Variants in PCDH11X observed in about 807,000 individuals in gnomAD.
PCDH11X encodes protocadherin-11 X-linked.
Under a neutral mutation model 53.3 loss-of-function variants are expected in PCDH11X, and 18 were observed. That is an observed-to-expected ratio of 0.34 (90% CI 0.23 to 0.50). PCDH11X has a LOEUF of 0.50. Ranked by LOEUF, PCDH11X falls within the 20% of genes least tolerant of loss-of-function variation. The pLI is 0.98. For missense variants in PCDH11X, 570 were observed against 1,032.4 expected, an observed-to-expected ratio of 0.55 and a Z score of 6.14; for synonymous variants, 279 against 393.3, an observed-to-expected ratio of 0.71 and a Z score of 3.44.
intron 10 of PCDH11X, among the ~76,000 whole-genome samples, chrX:92,489,711 T>A (rs2073718975): frequency 9.4e-6 from 1 of 106,698 alleles, no homozygotes; most frequent in African/African-American, 3.4e-5. Flanking sequence ...CAGTTTTACC[T>A]ATTTCATTTT....
intron 5 of PCDH11X, among the ~76,000 whole-genome samples, chrX:91,853,461 G>A (rs1268281589): frequency 9.2e-6 from 1 of 108,595 alleles, no homozygotes; most frequent in African/African-American, 3.4e-5. Flanking sequence ...TGATACATAT[G>A]AGTATATTGG....
At chrX:92,198,283 T>C (rs1195978713) in intron 6 of PCDH11X, among the ~76,000 whole-genome samples, 1 of 104,249 alleles carries the variant, frequency 9.6e-6, no homozygotes, top group Non-Finnish European at 2.0e-5. Context: ...TGGTGACATG[T>C]GCCTGTAGTC....
chrX:91,799,280 C>A (rs1403881060), intron 1 of PCDH11X, among the ~76,000 whole-genome samples: 1 of 111,088 alleles, frequency 9.0e-6, no homozygotes, highest in Non-Finnish European at 1.9e-5. Flanking sequence ...GATAAAATTT[C>A]TATTATCCTT....
At chrX:91,890,450 ATTAT>A (rs202229634) in intron 6 of PCDH11X, among the ~76,000 whole-genome samples, 21,975 of 109,141 alleles carry the variant, frequency 0.2, 1,930 homozygotes, top group East Asian at 0.29. Flanking sequence ...TTTTAAAAAA[ATTAT>A]TTGTCTGTTT....
chrX:91,863,118 A>G (rs970218523), intron 5 of PCDH11X, among the ~76,000 whole-genome samples: 14 of 109,283 alleles, frequency 1.3e-4, no homozygotes, highest in African/African-American at 4.3e-4. Flanking sequence ...TATTAGATGC[A>G]TGTGGTGTAT....
At chrX:91,845,194 A>C (rs774216057) in intron 5 of PCDH11X, among the ~76,000 whole-genome samples, 1 of 111,321 alleles carries the variant, frequency 9.0e-6, no homozygotes. Flanking sequence ...TTCAATAAAT[A>C]AGTAAATATA....
intron 10 of PCDH11X, among the ~76,000 whole-genome samples, chrX:92,535,519 C>A (rs2750942): frequency 1.5e-4 from 17 of 110,710 alleles, no homozygotes; most frequent in Non-Finnish European, 3.8e-5. Flanking sequence ...CGGGGCATAT[C>A]GGAAGGTAAA....
intron 10 of PCDH11X, among the ~76,000 whole-genome samples, chrX:92,518,748 A>ATTTTTT (rs762759156): frequency 1.7e-5 from 1 of 59,441 alleles, no homozygotes; most frequent in Admixed American, 2.4e-4. Flanking sequence ...TACCAATAAA[A>ATTTTTT]TTTTTTTTTT....
chrX:91,998,168 A>G (rs1278381711), intron 6 of PCDH11X, among the ~76,000 whole-genome samples: 1 of 110,067 alleles, frequency 9.1e-6, no homozygotes, highest in Non-Finnish European at 1.9e-5. Context: ...TCCTGACCTC[A>G]AGTGATCTGC....
At chrX:92,255,263 A>G (rs2067547558) in intron 7 of PCDH11X, among the ~76,000 whole-genome samples, 1 of 104,626 alleles carries the variant, frequency 9.6e-6, no homozygotes, top group Admixed American at 1.0e-4. Context: ...TTCTTCACGT[A>G]GTTCTCGAGC....
At chrX:92,176,943 A>G (rs1456768550) in intron 6 of PCDH11X, among the ~76,000 whole-genome samples, 1 of 109,536 alleles carries the variant, frequency 9.1e-6, no homozygotes, top group Non-Finnish European at 1.9e-5. Flanking sequence ...TAAGCATTAA[A>G]GTACAACGTA....
chrX:92,146,441 T>A (rs767847003), intron 6 of PCDH11X, among the ~76,000 whole-genome samples: 1 of 111,276 alleles, frequency 9.0e-6, no homozygotes, highest in South Asian at 3.8e-4. Flanking sequence ...AATACTGGTT[T>A]TTGTTCTACT....
chrX:91,788,880 T>C (rs1447411042), intron 1 of PCDH11X, among the ~76,000 whole-genome samples: 5 of 112,167 alleles, frequency 4.5e-5, no homozygotes, highest in Non-Finnish European at 1.9e-5. Flanking sequence ...TTCTCTCTTT[T>C]ACTTCTCATA....
At position 92,346,965 on chromosome X, in the gene PCDH11X, T is replaced by TA. The variant is rs1197684467; in HGVS notation, c.3145-40762dup. Among the ~76,000 whole-genome samples, 37 of 111,061 alleles carry TA rather than the reference T, an allele frequency of 3.3e-4. No homozygotes were observed. In the Admixed American group the frequency reaches 3.5e-3, roughly 10 times the overall value. ...CTACTAATTTTCTGTTAATTGGTGG[T>TA]AAAAAAAACTAAGGTTTATTAAATC... On this transcript the variant is annotated intron_variant, in intron 8 of 10. Coordinates refer to ENST00000682573, the MANE Select transcript of PCDH11X (RefSeq NM_032968.5).
At chrX:92,615,629 T>C (rs1299086897) in intron 10 of PCDH11X, among the ~76,000 whole-genome samples, 1 of 110,586 alleles carries the variant, frequency 9.0e-6, no homozygotes, top group East Asian at 2.9e-4. Flanking sequence ...GAGATTAAAA[T>C]ACCTGCATGG....
Position 92,311,433 on chromosome X carries a change from T to C in PCDH11X, c.3144+48290T>C, listed in dbSNP as rs2068948216. Among the ~76,000 whole-genome samples the C allele has an allele frequency of 2.7e-5, 3 of 110,756 alleles. No individual in the cohort carries two copies. The Admixed American group carries it at 2.9e-4, about 11-fold the overall frequency. Reference sequence around the variant, plus strand: ...CATCACCACAGGTAATTATTATTTGTATATTTAGTTCTTCAAATAAAAGAG... The same window carrying C: ...CATCACCACAGGTAATTATTATTTGCATATTTAGTTCTTCAAATAAAAGAG... On this transcript the variant is annotated intron_variant, in intron 8 of 10. Coordinates refer to ENST00000682573, the MANE Select transcript of PCDH11X (RefSeq NM_032968.5).
Position 91,840,358 on chromosome X carries a change from A to T in PCDH11X, c.540+4314A>T, listed in dbSNP as rs181430139. Among the ~76,000 whole-genome samples the T allele has an allele frequency of 3.6e-5, 4 of 111,640 alleles. No homozygotes were observed. The East Asian group carries it at 1.1e-3, about 32-fold the overall frequency. On this transcript the variant is annotated intron_variant, in intron 5 of 10. Coordinates refer to ENST00000682573, the MANE Select transcript of PCDH11X (RefSeq NM_032968.5). ...GACAATTTTTGTTGACAGAACATGA[A>T]GATCAACTTTTTCTCAGGTTAGTGA...
intron 6 of PCDH11X, chrX:91,983,290 T>C: frequency 1.1e-6 from 1 of 920,098 alleles, no homozygotes; most frequent in Non-Finnish European, 1.6e-6. Flanking sequence ...TCTATTTCTC[T>C]GTAAACGTCA....
At chrX:92,092,370 A>G (rs1347998430) in intron 6 of PCDH11X, among the ~76,000 whole-genome samples, 1 of 111,374 alleles carries the variant, frequency 9.0e-6, no homozygotes, top group Non-Finnish European at 1.9e-5. Flanking sequence ...AATTTGAGAC[A>G]AGTCTTAGTT....
Sources: gnomAD v4.1 joint callset for allele counts (sites outside exome capture counted in the v4.1 genomes callset) on GRCh38, gnomAD v4.1.1 for gene constraint, MANE v1.5 for transcripts, NCBI Gene and HGNC (gene_info 2026-07-23, HGNC 2026-07-21) for gene names.